Variants in FHIT observed in about 807,000 individuals in gnomAD.
FHIT encodes the protein bis(5'-adenosyl)-triphosphatase.
FHIT carries 19 observed loss-of-function variants against 17.9 expected under a neutral mutation model. The ratio of observed to expected loss-of-function variants is 1.06; its 90% CI spans 0.74 to 1.56. The LOEUF (loss-of-function observed/expected upper bound fraction) is 1.56. Among genes scored for constraint, FHIT ranks in the 40% most tolerant of loss-of-function variants. FHIT has a pLI of 0.00. For missense variants in FHIT, 248 were observed against 189.2 expected (o/e 1.31, Z -1.82); for synonymous variants, 81 against 69.7 (o/e 1.16, Z -0.81).
intron 2 of FHIT, among the ~76,000 whole-genome samples, chr3:61,170,840 G>A (rs980667251): frequency 6.6e-6 from 1 of 152,146 alleles, no homozygotes; most frequent in African/African-American, 2.4e-5. Flanking sequence ...ACATATGCAT[G>A]CATGTGTGTT....
At chr3:60,577,023 GATC>G (rs1235688901) in intron 4 of FHIT, among the ~76,000 whole-genome samples, 1 of 150,268 alleles carries the variant, frequency 6.7e-6, no homozygotes, top group Non-Finnish European at 1.5e-5. Context: ...TCAACTTGTC[GATC>G]ATCACCTTAA....
chr3:59,850,355 T>C (rs143323693), intron 8 of FHIT, among the ~76,000 whole-genome samples: 1 of 152,318 alleles, frequency 6.6e-6, no homozygotes, highest in East Asian at 1.9e-4. Flanking sequence ...ATAAGTACTA[T>C]GTTGGGCCCA....
At chr3:59,930,519 C>G (rs1705917687) in intron 7 of FHIT, among the ~76,000 whole-genome samples, 1 of 152,092 alleles carries the variant, frequency 6.6e-6, no homozygotes, top group South Asian at 2.1e-4. Flanking sequence ...CCTGGTATGG[C>G]CAAGGAGCAG....
At chr3:60,378,523 AAATACCAATTCC>A in intron 5 of FHIT, among the ~76,000 whole-genome samples, 1 of 152,156 alleles carries the variant, frequency 6.6e-6, no homozygotes, top group East Asian at 1.9e-4. Flanking sequence ...TTGGAGGTTG[AAATACCAATTCC>A]TTGGTATTTC....
chr3:61,226,584 A>C (rs1201783749), intron 1 of FHIT, among the ~76,000 whole-genome samples: 1 of 152,100 alleles, frequency 6.6e-6, no homozygotes, highest in Non-Finnish European at 1.5e-5. Flanking sequence ...ATTACTAGAG[A>C]AGAAGTGGGT....
chr3:60,608,563 T>C (rs2107726931), intron 4 of FHIT, among the ~76,000 whole-genome samples: 2 of 152,084 alleles, frequency 1.3e-5, no homozygotes, highest in Middle Eastern at 6.8e-3. Flanking sequence ...TGACTTAGCT[T>C]TTATTTAGCC....
At chr3:60,899,698 T>A (rs1193126447) in intron 3 of FHIT, among the ~76,000 whole-genome samples, 1 of 152,166 alleles carries the variant, frequency 6.6e-6, no homozygotes, top group Non-Finnish European at 1.5e-5. Flanking sequence ...CAAAAGTGGC[T>A]TAACCACCAG....
At chr3:60,340,364 C>G (rs1008322743) in intron 5 of FHIT, among the ~76,000 whole-genome samples, 6 of 152,154 alleles carry the variant, frequency 3.9e-5, no homozygotes, top group Non-Finnish European at 7.3e-5. Flanking sequence ...TCTCCTACAA[C>G]CGAATTAGAA....
At chr3:60,189,157 C>G (rs1160032138) in intron 5 of FHIT, among the ~76,000 whole-genome samples, 1 of 150,964 alleles carries the variant, frequency 6.6e-6, no homozygotes, top group Non-Finnish European at 1.5e-5. Flanking sequence ...AGCTGGTGAT[C>G]AGTCTGACCT....
chr3:60,244,702 G>A (rs964544364), intron 5 of FHIT, among the ~76,000 whole-genome samples: 4 of 152,132 alleles, frequency 2.6e-5, no homozygotes, highest in South Asian at 2.1e-4. Context: ...TTTACCACAC[G>A]TGTTGCTTGT....
intron 5 of FHIT, among the ~76,000 whole-genome samples, chr3:60,481,544 T>C (rs1270204361): frequency 6.6e-6 from 1 of 152,136 alleles, no homozygotes; most frequent in Non-Finnish European, 1.5e-5. Flanking sequence ...GAGAAGAATT[T>C]TCAACCCAGA....
chr3:60,375,043 A>G (rs1700490443), intron 5 of FHIT, among the ~76,000 whole-genome samples: 1 of 151,928 alleles, frequency 6.6e-6, no homozygotes, highest in African/African-American at 2.4e-5. Flanking sequence ...TAATGAGAAG[A>G]GGGAGAGAAA....
At chr3:59,958,935 C>T (rs751402897) in intron 7 of FHIT, among the ~76,000 whole-genome samples, 15 of 152,166 alleles carry the variant, frequency 9.9e-5, no homozygotes, top group Non-Finnish European at 1.8e-4. Context: ...AATCATGTGT[C>T]GCTTTGGTAT....
chr3:60,972,273 G>C (rs11719785), intron 3 of FHIT, among the ~76,000 whole-genome samples: 39,312 of 152,048 alleles, frequency 0.26, 6,006 homozygotes, highest in East Asian at 0.59. Flanking sequence ...ATATAGATAT[G>C]CTGATAATTA....
At chr3:60,156,128 A>G (rs1700678102) in intron 5 of FHIT, among the ~76,000 whole-genome samples, 1 of 151,950 alleles carries the variant, frequency 6.6e-6, no homozygotes, top group African/African-American at 2.4e-5. Flanking sequence ...CCCAGGCTGG[A>G]GGATCATGAC....
intron 7 of FHIT, among the ~76,000 whole-genome samples, chr3:59,930,888 T>C (rs1227679108): frequency 2.0e-5 from 3 of 152,136 alleles, no homozygotes; most frequent in Admixed American, 1.3e-4. Context: ...TTGCCCAACC[T>C]ACCTTTCCCA....
intron 4 of FHIT, among the ~76,000 whole-genome samples, chr3:60,714,517 T>C (rs1471938846): frequency 5.9e-5 from 9 of 152,210 alleles, no homozygotes; most frequent in African/African-American, 1.9e-4. Context: ...GATGACATGA[T>C]TGTATATCTA....
At chr3:59,993,916 T>C (rs1311272482) in intron 7 of FHIT, among the ~76,000 whole-genome samples, 2 of 152,008 alleles carry the variant, frequency 1.3e-5, no homozygotes, top group Non-Finnish European at 2.9e-5. Context: ...ATTGATAGTG[T>C]TAATAATTAA....
chr3:60,879,470 C>T (rs540691905), intron 3 of FHIT, among the ~76,000 whole-genome samples: 1 of 152,194 alleles, frequency 6.6e-6, no homozygotes, highest in East Asian at 1.9e-4. Context: ...ATTTTTCCAC[C>T]AAATGCATAG....
Sources: gnomAD v4.1 joint callset for allele counts (sites outside exome capture counted in the v4.1 genomes callset) on GRCh38, gnomAD v4.1.1 for gene constraint, MANE v1.5 for transcripts, NCBI Gene and HGNC (gene_info 2026-07-23, HGNC 2026-07-21) for gene names.